KIF26B: variants seen among roughly 807,000 people sequenced by gnomAD.
KIF26B encodes kinesin-like protein KIF26B.
In KIF26B, 63 loss-of-function variants were observed where a neutral mutation model predicts 151.2. The ratio of observed to expected loss-of-function variants is 0.42; its 90% CI spans 0.34 to 0.51. The LOEUF (loss-of-function observed/expected upper bound fraction) is 0.51, where lower values mean the gene tolerates loss of function less well. KIF26B is among the 20% of genes least tolerant of loss of function. The pLI is 0.07. For synonymous variants in KIF26B, 1,357 were observed against 1,262.1 expected, an observed-to-expected ratio of 1.08 and a Z score of -1.59; for missense variants, 2,813 against 2,913.6, an observed-to-expected ratio of 0.97 and a Z score of 0.79.
In KIF26B at chr1:245,688,479, C is replaced by T. The variant is rs966709618; in HGVS notation, c.5496C>T (p.Arg1832=). 5.2e-5 allele frequency: 72 copies of T among 1,385,500 alleles called. No homozygotes were observed. The highest frequency in any genetic ancestry group is 6.6e-5 in the Non-Finnish European group (71 of 1,081,102). 85.8% of individuals were successfully genotyped at this position (1,385,500 alleles called of 1,614,324 possible). Residue 1832 remains arginine (R), a synonymous_variant, in exon 12 of 15, where the codon CGC becomes CGT. Coordinates refer to ENST00000407071, the MANE Select transcript of KIF26B (RefSeq NM_018012.4). ...QLRAGPEAEA[R]GGALAEDEPA... ...GGGCCGGGCCCGAGGCGGAGGCGCG[C>T]GGGGGGGCCCTGGCCGAGGACGAGC...
In KIF26B at chr1:245,218,625, G is replaced by A. The variant is rs1405123671; in HGVS notation, c.465+61942G>A. 6.6e-6 allele frequency among the ~76,000 whole-genome samples: 1 copy of A among 152,280 alleles called. No homozygotes were observed. The highest frequency in any genetic ancestry group is 1.9e-4 in the East Asian group (1 of 5,178). On this transcript the variant is annotated intron_variant, in intron 2 of 14. Transcript: ENST00000407071. This position sits in a 1 kb window ranked among gnomAD's most constrained non-coding sequence, Gnocchi z 4.1. ...AGGGTGACCCCAGGAGCTCTGCAGT[G>A]TGCCGCATGGAATCGCCTAAGATGG...
intron 4 of KIF26B, among the ~76,000 whole-genome samples, chr1:245,478,705 G>A (rs964614148): frequency 1.3e-5 from 2 of 151,654 alleles, no homozygotes. Context: ...GTGAGCCACC[G>A]CGCCCGGCCC....
chr1:245,462,846 GTGAATGAATGAA>G (rs57966712), intron 4 of KIF26B, among the ~76,000 whole-genome samples: 45 of 150,782 alleles, frequency 3.0e-4, no homozygotes, highest in South Asian at 3.0e-3. Flanking sequence ...AGAAATCAGT[GTGAATGAATGAA>G]TGAATGAATG....
At chr1:245,543,624 G>T (rs939831563) in intron 5 of KIF26B, among the ~76,000 whole-genome samples, 2 of 152,278 alleles carry the variant, frequency 1.3e-5, no homozygotes, top group East Asian at 3.9e-4. Flanking sequence ...GGGGGAGGAA[G>T]TGACAGTTGG....
chr1:245,265,054 T>C (rs927603043), intron 2 of KIF26B, among the ~76,000 whole-genome samples: 1 of 148,950 alleles, frequency 6.7e-6, no homozygotes, highest in Non-Finnish European at 1.5e-5. Context: ...AAAAAAAAAT[T>C]AGCCAGGCGT....
At chr1:245,382,332 T>C (rs1288399663) in intron 3 of KIF26B, among the ~76,000 whole-genome samples, 1 of 152,188 alleles carries the variant, frequency 6.6e-6, no homozygotes, top group Non-Finnish European at 1.5e-5. Flanking sequence ...CATCTTTTCA[T>C]GTCTCTTGGC....
At chr1:245,356,710 G>T (rs771309826) in intron 2 of KIF26B, among the ~76,000 whole-genome samples, 1 of 152,200 alleles carries the variant, frequency 6.6e-6, no homozygotes, top group Non-Finnish European at 1.5e-5. Flanking sequence ...TAGGCATGAC[G>T]CATTCCGCAG....
intron 2 of KIF26B, among the ~76,000 whole-genome samples, chr1:245,192,781 A>G (rs747282847): frequency 6.6e-6 from 1 of 152,224 alleles, no homozygotes; most frequent in African/African-American, 2.4e-5. Flanking sequence ...ATTGTGTGGT[A>G]TCACAGATTT....
Position 245,674,991 on chromosome 1 carries a change from G to A in KIF26B, c.2259-9242G>A, listed in dbSNP as rs55663660. 9.1e-3 allele frequency among the ~76,000 whole-genome samples: 1,391 copies of A among 152,260 alleles called. 5 individuals are homozygous for A. Among genetic ancestry groups the A allele is most frequent in the Non-Finnish European group, 0.013 (852 of 68,020 alleles). On this transcript the variant is annotated intron_variant, in intron 10 of 14. Coordinates refer to ENST00000407071, the MANE Select transcript of KIF26B (RefSeq NM_018012.4). ...TGCATGTTTGGAGGGTTCCCAAAAC[G>A]ACCCTCAGGCTCGTAATTCTCTAGA... is the stretch of plus-strand genomic sequence containing the variant.
intron 3 of KIF26B, among the ~76,000 whole-genome samples, chr1:245,389,944 T>G (rs1172478303): frequency 6.6e-6 from 1 of 152,212 alleles, no homozygotes; most frequent in African/African-American, 2.4e-5. Context: ...CAAAGTGTGC[T>G]CCACAGACCA....
At chr1:245,438,680 A>G (rs968297229) in intron 4 of KIF26B, among the ~76,000 whole-genome samples, 1 of 152,244 alleles carries the variant, frequency 6.6e-6, no homozygotes, top group African/African-American at 2.4e-5. Flanking sequence ...AGACAAAAAA[A>G]ACATGGATGT....
At chr1:245,271,457 C>T (rs1039618614) in intron 2 of KIF26B, among the ~76,000 whole-genome samples, 2 of 151,502 alleles carry the variant, frequency 1.3e-5, no homozygotes, top group Non-Finnish European at 2.9e-5. Context: ...TTTATTAAGT[C>T]TTGTAATCCA....
chr1:245,548,144 T>C (rs912789123), intron 5 of KIF26B, among the ~76,000 whole-genome samples: 1 of 152,196 alleles, frequency 6.6e-6, no homozygotes, highest in Non-Finnish European at 1.5e-5. Context: ...ATTCAGCCCC[T>C]TATGTTTCTA....
chr1:245,633,013 GTA>G, intron 9 of KIF26B, among the ~76,000 whole-genome samples: 1 of 152,086 alleles, frequency 6.6e-6, no homozygotes, highest in Non-Finnish European at 1.5e-5. Flanking sequence ...ATATATCTGG[GTA>G]CTCCAGTGTT....
At chr1:245,530,306 C>A (rs982191593) in intron 4 of KIF26B, among the ~76,000 whole-genome samples, 2 of 152,154 alleles carry the variant, frequency 1.3e-5, no homozygotes, top group Non-Finnish European at 2.9e-5. Context: ...TGAACTACCA[C>A]GCAATCTAGC....
chr1:245,273,180 G>A (rs978202898), intron 2 of KIF26B, among the ~76,000 whole-genome samples: 6 of 152,052 alleles, frequency 3.9e-5, no homozygotes, highest in Admixed American at 6.6e-5. Flanking sequence ...TTGGGAGGCC[G>A]AGGTGGGCGG....
At chr1:245,301,002 A>C (rs1463147213) in intron 2 of KIF26B, among the ~76,000 whole-genome samples, 3 of 135,452 alleles carry the variant, frequency 2.2e-5, no homozygotes, top group African/African-American at 8.4e-5. Flanking sequence ...GCTAATTTTT[A>C]TATTTTTAGT....
chr1:245,329,586 G>A (rs1410366702), intron 2 of KIF26B, among the ~76,000 whole-genome samples: 1 of 152,152 alleles, frequency 6.6e-6, no homozygotes, highest in Non-Finnish European at 1.5e-5. Flanking sequence ...TGCAGTGGCT[G>A]AATGGCTGGA....
At chr1:245,527,524 C>CTTGTTTTTTTTTTTT (rs1661263831) in intron 4 of KIF26B, among the ~76,000 whole-genome samples, 1 of 50,710 alleles carries the variant, frequency 2.0e-5, no homozygotes, top group Non-Finnish European at 3.2e-5. Context: ...TTTGGGATGG[C>CTTGTTTTTTTTTTTT]TTTTTTTTTT....
Sources: gnomAD v4.1 joint callset for allele counts (sites outside exome capture counted in the v4.1 genomes callset) on GRCh38, gnomAD v4.1.1 for gene constraint, Gnocchi (gnomAD v3.1) non-coding constraint, MANE v1.5 for transcripts, NCBI Gene and HGNC (gene_info 2026-07-23, HGNC 2026-07-21) for gene names.